CNTN3: variants seen among roughly 807,000 people sequenced by gnomAD.
CNTN3 encodes contactin-3.
In CNTN3, 60 loss-of-function variants were observed where a neutral mutation model predicts 119.1. The observed-to-expected ratio is 0.50, with a 90% confidence interval of 0.41 to 0.62. The LOEUF (loss-of-function observed/expected upper bound fraction) is 0.62, where lower values mean the gene tolerates loss of function less well. Among genes scored for constraint, CNTN3 ranks in the 20% least tolerant of loss-of-function variants. The pLI, the probability that CNTN3 is intolerant of heterozygous loss-of-function variation, is 0.00. For synonymous variants in CNTN3, 450 were observed against 438.7 expected, an observed-to-expected ratio of 1.03 and a Z score of -0.32; for missense variants, 1,101 against 1,242.4, an observed-to-expected ratio of 0.89 and a Z score of 1.71.
intron 20 of CNTN3, among the ~76,000 whole-genome samples, chr3:74,267,795 C>A (rs1701693016): frequency 6.6e-6 from 1 of 152,086 alleles, no homozygotes; most frequent in Non-Finnish European, 1.5e-5. Context: ...CACTAGAGGG[C>A]TGCTTGTTCC....
intron 1 of CNTN3, among the ~76,000 whole-genome samples, chr3:74,577,438 A>AAGAATTAG (rs1040028075): frequency 2.0e-4 from 30 of 152,260 alleles, no homozygotes; most frequent in African/African-American, 7.0e-4. Context: ...GGGGGGGAAA[A>AAGAATTAG]AGAATTAGAG....
At chr3:74,347,669 T>C (rs1703725883) in intron 11 of CNTN3, among the ~76,000 whole-genome samples, 1 of 152,232 alleles carries the variant, frequency 6.6e-6, no homozygotes, top group Admixed American at 6.5e-5. Context: ...GAAGAGACCA[T>C]GTCTGTCTTA....
chr3:74,369,035 CT>C (rs1227234019), intron 8 of CNTN3, among the ~76,000 whole-genome samples, 153 bp downstream of exon 8: 4 of 152,070 alleles, frequency 2.6e-5, no homozygotes, highest in East Asian at 1.9e-4. Context: ...TTAATTCCCC[CT>C]ATGATCAATG....
Position 74,521,101 on chromosome 3 carries a change from T to G in CNTN3, c.12A>C (p.Pro4=). Residue 4 remains proline (P), a synonymous_variant, in exon 2 of 23, where the codon CCA becomes CCC. Transcript: ENST00000263665. ...ATGAAAGCAGGATCAACTGTTTCCATGGAAACATCATCTTTAATTGCCAAA... is the reference window on the plus strand; with the variant it reads ...ATGAAAGCAGGATCAACTGTTTCCAGGGAAACATCATCTTTAATTGCCAAA... MMF[P]WKQLILLSFI... 1 of 1,599,080 alleles carries G rather than the reference T, an allele frequency of 6.3e-7. No homozygotes were observed. The highest frequency in any genetic ancestry group is 8.5e-7 in the Non-Finnish European group (1 of 1,171,490).
In CNTN3 at chr3:74,521,092, C is replaced by G; in HGVS notation, c.21G>C (p.Gln7His). 2 of 1,600,416 alleles carry G rather than the reference C, an allele frequency of 1.2e-6. No homozygotes were observed. The highest frequency in any genetic ancestry group is 1.7e-6 in the Non-Finnish European group (2 of 1,172,520). ...AGCCAATGAATGAAAGCAGGATCAA[C>G]TGTTTCCATGGAAACATCATCTTTA... Reference protein sequence around the residue: MMFPWKQLILLSFIGCL... With the variant: MMFPWKHLILLSFIGCL... The change falls in exon 2 of 23, where the codon CAG (glutamine) becomes CAC (histidine). Residue 7 changes from glutamine to histidine, a missense_variant. By Grantham distance (24) the Gln-to-His change is conservative. Coordinates refer to ENST00000263665, the MANE Select transcript of CNTN3 (RefSeq NM_020872.3).
chr3:74,574,206 T>C (rs190274426), intron 1 of CNTN3, among the ~76,000 whole-genome samples: 115 of 152,302 alleles, frequency 7.6e-4, no homozygotes, highest in Non-Finnish European at 1.2e-3. Flanking sequence ...CCACGTATTT[T>C]ATGATTCTAT....
intron 4 of CNTN3, among the ~76,000 whole-genome samples, chr3:74,448,161 G>C (rs763607068): frequency 2.2e-4 from 33 of 152,284 alleles, no homozygotes; most frequent in Non-Finnish European, 4.4e-4. Flanking sequence ...GGAGCCCAGT[G>C]TCTAGTTGAG....
chr3:74,285,397 C>T lies in CNTN3; in HGVS notation c.2612G>A (p.Ser871Asn). Residue 871 changes from serine (S) to asparagine (N), a missense_variant, in exon 20 of 23, where the codon AGC becomes AAC. Physicochemically the swap from Ser to Asn is conservative, Grantham distance 46 (BLOSUM62 1). Transcript: ENST00000263665. ...ETSARLRGLK[S>N]NLAYYTAVRA... is the part of the protein sequence containing the mutation. ...GACAGCCGTGTAATAGGCCAGGTTG[C>T]TCTTCAGGCCCCGTAGTCTGGCTGA... The T allele has an allele frequency of 6.2e-7, 1 of 1,613,754 alleles. No homozygotes were observed.
chr3:74,363,003 G>A (rs1382998697), intron 10 of CNTN3, among the ~76,000 whole-genome samples: 5 of 152,046 alleles, frequency 3.3e-5, no homozygotes, highest in African/African-American at 4.8e-5. Context: ...TTTTGTTTAC[G>A]CACCTCGTAT....
At chr3:74,425,232 CT>C (rs928747082) in intron 4 of CNTN3, among the ~76,000 whole-genome samples, 1 of 152,058 alleles carries the variant, frequency 6.6e-6, no homozygotes, top group Non-Finnish European at 1.5e-5. Flanking sequence ...ATCCTTACCC[CT>C]CTCCCTTCCT....
At chr3:74,455,208 A>AT (rs1007111049) in intron 4 of CNTN3, among the ~76,000 whole-genome samples, 52 of 148,220 alleles carry the variant, frequency 3.5e-4, no homozygotes, top group Admixed American at 4.7e-4. Flanking sequence ...GTTCATTTCT[A>AT]TTTTTTTTTC....
At chr3:74,613,485 C>T (rs1221152447) in intron 1 of CNTN3, among the ~76,000 whole-genome samples, 1 of 152,066 alleles carries the variant, frequency 6.6e-6, no homozygotes, top group Non-Finnish European at 1.5e-5. Flanking sequence ...TTCTTTGCCT[C>T]TGAAAGGAGG....
intron 4 of CNTN3, among the ~76,000 whole-genome samples, chr3:74,466,876 A>G (rs1030644768): frequency 3.3e-5 from 5 of 152,192 alleles, no homozygotes; most frequent in Admixed American, 2.6e-4. Context: ...GCAAAGAAAT[A>G]AAAACTTAGT....
chr3:74,594,732 T>C lies in CNTN3; in HGVS notation c.-81+19659A>G, dbSNP rs544135843. ...TTGGGTTGGTCCCAAGTCTTTGCTA[T>C]TGTGAATAGTGCCGCAATAAACATA... On this transcript the variant is annotated intron_variant, in intron 1 of 22. Transcript: ENST00000263665. Among the ~76,000 whole-genome samples, 118 of 152,220 alleles carry C rather than the reference T, an allele frequency of 7.8e-4. 1 individual carries two copies. The Middle Eastern group carries it at 0.031, about 39-fold the overall frequency.
At chr3:74,562,869 A>G (rs1704173543) in intron 1 of CNTN3, among the ~76,000 whole-genome samples, 2 of 152,152 alleles carry the variant, frequency 1.3e-5, no homozygotes, top group Non-Finnish European at 2.9e-5. Flanking sequence ...CTTGAATTTC[A>G]GTGCAATTAA....
intron 1 of CNTN3, among the ~76,000 whole-genome samples, chr3:74,527,434 C>G (rs1287875342): frequency 1.3e-5 from 2 of 151,802 alleles, no homozygotes; most frequent in East Asian, 3.9e-4. Flanking sequence ...AAAATATTGC[C>G]AGAACATTCT....
At chr3:74,334,278 G>A (rs569341526) in intron 13 of CNTN3, among the ~76,000 whole-genome samples, 105 of 152,240 alleles carry the variant, frequency 6.9e-4, no homozygotes, top group Non-Finnish European at 1.3e-3. Flanking sequence ...GTACAATGAA[G>A]CGTCTTACTG....
intron 6 of CNTN3, among the ~76,000 whole-genome samples, chr3:74,370,612 C>T (rs371019648): frequency 2.0e-5 from 3 of 152,190 alleles, no homozygotes; most frequent in African/African-American, 7.2e-5. Flanking sequence ...GAAAAAAGTG[C>T]TTCAATGCTT....
chr3:74,454,803 T>C (rs976514954), intron 4 of CNTN3, among the ~76,000 whole-genome samples: 2 of 152,094 alleles, frequency 1.3e-5, no homozygotes, highest in Admixed American at 1.3e-4. Context: ...AATTCTGGGT[T>C]GAAAATTCTT....
Sources: gnomAD v4.1 joint callset for allele counts (sites outside exome capture counted in the v4.1 genomes callset) on GRCh38, gnomAD v4.1.1 for gene constraint, MANE v1.5 for transcripts, NCBI Gene and HGNC (gene_info 2026-07-23, HGNC 2026-07-21) for gene names.